Variants in CSPG4 observed in about 807,000 individuals in gnomAD.
CSPG4 encodes chondroitin sulfate proteoglycan 4, also known as chondroitin sulfate proteoglycan 4 (melanoma-associated).
Under a neutral mutation model 139.3 loss-of-function variants are expected in CSPG4, and 74 were observed. The ratio of observed to expected loss-of-function variants is 0.53; its 90% CI spans 0.44 to 0.64. The LOEUF (loss-of-function observed/expected upper bound fraction) is 0.64. Ranked by LOEUF, CSPG4 falls within the 30% of genes least tolerant of loss-of-function variation. The pLI is 0.00. For missense variants in CSPG4, 2,565 were observed against 3,148.3 expected, an observed-to-expected ratio of 0.81 and a Z score of 4.43; for synonymous variants, 1,234 against 1,394.2, an observed-to-expected ratio of 0.89 and a Z score of 2.56.
chr15:75,692,735 G>A (rs1566975765), intron 2 of CSPG4, among the ~76,000 whole-genome samples: 1 of 152,242 alleles, frequency 6.6e-6, no homozygotes. Context: ...GGGAACGGGA[G>A]AGGCGCACAC....
rs1318605602 is a variant in CSPG4 at position 75,688,769 on chromosome 15, C to G, written c.2296G>C (p.Gly766Arg). ...VENLALEVQV[G>R]QEILSNLSFP... ...GACAGATTGCTCAGGATCTCCTGGCCCACCTGCACCTCCAGGGCCAGGTTC... is the reference window on the plus strand; with the variant it reads ...GACAGATTGCTCAGGATCTCCTGGCGCACCTGCACCTCCAGGGCCAGGTTC... The change falls in exon 3 of 10, where the codon GGC becomes CGC. Residue 766 changes from glycine to arginine, a missense_variant. Physicochemically the swap from Gly to Arg is moderately radical, Grantham distance 125. Transcript: ENST00000308508. 6.2e-7 allele frequency: 1 copy of G among 1,612,654 alleles called. No individual in the cohort carries two copies. The highest frequency in any genetic ancestry group is 2.2e-5 in the East Asian group (1 of 44,884).
Position 75,696,678 on chromosome 15 carries a change from A to C in CSPG4, c.89-3445T>G, listed in dbSNP as rs200503267. On this transcript the variant is annotated intron_variant, in intron 1 of 9. Transcript: ENST00000308508. This position sits in a 1 kb window ranked among gnomAD's most constrained non-coding sequence, Gnocchi z 4.2. The stretch of plus-strand genomic sequence containing the variant: ...CCCCTCCTGCTCAGCGCCCATAGAG[A>C]GGTTTGCTAAAGGTGGGTACATCCT... Among the ~76,000 whole-genome samples, 16 of 151,904 alleles carry C rather than the reference A, an allele frequency of 1.1e-4. No individual in the cohort carries two copies. The East Asian group carries it at 2.7e-3, about 26-fold the overall frequency.
At position 75,687,796 on chromosome 15, in the gene CSPG4, C is replaced by A; in HGVS notation, c.3269G>T (p.Arg1090Leu). 1 of 1,612,912 alleles carries A rather than the reference C, an allele frequency of 6.2e-7. No individual in the cohort carries two copies. The highest frequency in any genetic ancestry group is 8.5e-7 in the Non-Finnish European group (1 of 1,179,998). The change falls in exon 3 of 10, where the codon CGA becomes CTA. Residue 1090 changes from arginine (R) to leucine (L), a missense_variant. Around this residue, in one of 5 missense-constraint regions of CSPG4, gnomAD observed 2,316 missense variants for 2,818.2 expected, o/e 0.82. Transcript: ENST00000308508. This position sits in a 1 kb window ranked among gnomAD's most constrained non-coding sequence, Gnocchi z 5.4. ...AGCCCCTGAGTGCACGAACAGTACT[C>A]GCCTCTTCCTGAGGTCCTCCTGGGT... The part of the protein sequence containing the change: ...RFTQEDLRKR[R>L]VLFVHSGADR...
chr15:75,683,178 G>C (rs1381206120), intron 5 of CSPG4, 137 bp from the exon 6 acceptor site: 18 of 823,606 alleles, frequency 2.2e-5, no homozygotes, highest in Non-Finnish European at 3.1e-5. Flanking sequence ...CGCCACTCTG[G>C]CTCCCCTGCA....
chr15:75,677,446 G>T (rs979575944), intron 9 of CSPG4, 62 bp from the exon 10 acceptor site: 3 of 1,392,918 alleles, frequency 2.2e-6, no homozygotes, highest in Non-Finnish European at 2.8e-6. Context: ...TGGACCCTCA[G>T]CTGGGGGTGC....
chr15:75,690,890 G>C, intron 2 of CSPG4, 78 bp from the exon 3 acceptor site: 3 of 1,475,148 alleles, frequency 2.0e-6, no homozygotes, highest in Non-Finnish European at 2.7e-6. Flanking sequence ...ATAGAGCCGG[G>C]CGTGATTGCA....
At chr15:75,682,204 C>G (rs1893982743) in intron 8 of CSPG4, 89 bp downstream of exon 8, 1 of 1,480,792 alleles carries the variant, frequency 6.8e-7, no homozygotes, top group Non-Finnish European at 9.3e-7. Context: ...GATGCTGGAG[C>G]TGGCATCCAT....
Position 75,676,589 on chromosome 15 carries a change from G to A in CSPG4, c.5930C>T (p.Ala1977Val). Residue 1977 changes from alanine to valine, a missense_variant, in exon 10 of 10, where the codon GCA becomes GTA. This residue lies in a region of CSPG4 where 2,316 missense variants were observed against 2,818.2 expected (regional missense o/e 0.82). Transcript: ENST00000308508. ...GGGTCCCTGGATGAGGCGGTATGCTGCCTCTGGCTCCTCCCGATCTGAAAC... is the reference window on the plus strand; with the variant it reads ...GGGTCCCTGGATGAGGCGGTATGCTACCTCTGGCTCCTCCCGATCTGAAAC... ...RVVSDREEPEAAYRLIQGPQY... is the reference protein window; with the variant it reads ...RVVSDREEPEVAYRLIQGPQY... 1.2e-6 allele frequency: 2 copies of A among 1,612,782 alleles called. No homozygotes were observed. The highest frequency in any genetic ancestry group is 1.7e-6 in the Non-Finnish European group (2 of 1,179,814).
rs772175577 is a variant in CSPG4, at chr15:75,675,702, C to T, written c.6817G>A (p.Glu2273Lys). The change falls in exon 10 of 10, where the codon GAG (glutamate) becomes AAG (lysine). Residue 2273 changes from glutamate (E) to lysine (K), a missense_variant. By Grantham distance (56) the Glu-to-Lys change is moderately conservative. This residue lies in a region of CSPG4 where 2,316 missense variants were observed against 2,818.2 expected (regional missense o/e 0.82). Coordinates refer to ENST00000308508, the MANE Select transcript of CSPG4 (RefSeq NM_001897.5). Reference protein sequence around the residue: ...KPRNGLAGDTETFRKVEPGQA... With the variant: ...KPRNGLAGDTKTFRKVEPGQA... ...CCTGGCTCCACCTTGCGAAAGGTCT[C>T]GGTGTCACCAGCCAGGCCGTTGCGG... 2.2e-5 allele frequency: 35 copies of T among 1,575,078 alleles called. No individual in the cohort carries two copies. The highest frequency in any genetic ancestry group is 1.1e-4 in the African/African-American group (8 of 74,086).
chr15:75,709,963 G>A (rs1395959494), intron 1 of CSPG4, among the ~76,000 whole-genome samples: 1 of 151,860 alleles, frequency 6.6e-6, no homozygotes, highest in Non-Finnish European at 1.5e-5. Flanking sequence ...CTGCTCCGGA[G>A]GCCTGGGGTG....
At position 75,689,293 on chromosome 15, in the gene CSPG4, G is replaced by A. The variant is rs553356387; in HGVS notation, c.1772C>T (p.Thr591Ile). The A allele has an allele frequency of 8.7e-6, 14 of 1,610,934 alleles. No individual in the cohort carries two copies. Among genetic ancestry groups the A allele is most frequent in the Admixed American group, 1.7e-5 (1 of 60,018 alleles). Reference sequence around the variant, plus strand: ...AGAGGAGGTGCCAAGGACCTGGAAGGTGAGGCCCTCACAGGCAGAGTCCGG... The same window carrying A: ...AGAGGAGGTGCCAAGGACCTGGAAGATGAGGCCCTCACAGGCAGAGTCCGG... ...YDPDSACEGL[T>I]FQVLGTSSGL... The change falls in exon 3 of 10, where the codon ACC becomes ATC. Residue 591 changes from threonine (T) to isoleucine (I), a missense_variant. Physicochemically the swap from Thr to Ile is moderately conservative, Grantham distance 89. This residue lies in a region of CSPG4 where 2,316 missense variants were observed against 2,818.2 expected (regional missense o/e 0.82). Transcript: ENST00000308508.
rs150766109 is a variant in CSPG4 at position 75,675,773 on chromosome 15, C to T, written c.6746G>A (p.Arg2249His). The T allele has an allele frequency of 4.3e-6, 7 of 1,613,034 alleles. No homozygotes were observed. The highest frequency in any genetic ancestry group is 1.3e-5 in the African/African-American group (1 of 75,038). Reference sequence around the variant, plus strand: ...GACGTCATGCTTGCCCGTCTTGTTGCGTTTTCGGAGGTAGAAGAGCAGGGG... The same window carrying T: ...GACGTCATGCTTGCCCGTCTTGTTGTGTTTTCGGAGGTAGAAGAGCAGGGG... ...ILPLLFYLRK[R>H]NKTGKHDVQV... Residue 2249 changes from arginine to histidine, a missense_variant, in exon 10 of 10, where the codon CGC becomes CAC. Physicochemically the swap from Arg to His is conservative, Grantham distance 29. Transcript: ENST00000308508.
rs776322165 is a variant in CSPG4, at chr15:75,690,238, C to T, written c.827G>A (p.Ser276Asn). The change falls in exon 3 of 10, where the codon AGT (serine) becomes AAT (asparagine). Residue 276 changes from serine (S) to asparagine (N), a missense_variant. Physicochemically the swap from Ser to Asn is conservative, Grantham distance 46. Transcript: ENST00000308508. ...KGQGTVLLHN[S>N]VPVADGQPHE... Reference sequence around the variant, plus strand: ...GGGCTGCCCATCGGCCACAGGCACACTGTTGTGGAGCAATACGGTACCCTG... The same window carrying T: ...GGGCTGCCCATCGGCCACAGGCACATTGTTGTGGAGCAATACGGTACCCTG... The T allele has an allele frequency of 4.3e-6, 7 of 1,613,274 alleles. No individual in the cohort carries two copies. The highest frequency in any genetic ancestry group is 5.9e-6 in the Non-Finnish European group (7 of 1,179,868).
chr15:75,713,220 G>C (rs1288271176), upstream of CSPG4, among the ~76,000 whole-genome samples: 2 of 152,166 alleles, frequency 1.3e-5, no homozygotes, highest in Non-Finnish European at 2.9e-5. Flanking sequence ...CCAGCCTTAG[G>C]AGGAAGGACA....
intron 1 of CSPG4, among the ~76,000 whole-genome samples, chr15:75,695,172 G>T (rs555615099): frequency 2.6e-5 from 4 of 152,284 alleles, no homozygotes; most frequent in African/African-American, 9.6e-5. Flanking sequence ...CCACAGAGAA[G>T]GGGGCACATG....
chr15:75,704,589 G>A (rs997345989), intron 1 of CSPG4, among the ~76,000 whole-genome samples: 8 of 152,202 alleles, frequency 5.3e-5, no homozygotes, highest in Non-Finnish European at 1.0e-4. Context: ...CGTGGGTGAA[G>A]GCAGTGGGGG....
chr15:75,691,934 C>T (rs1246859337), intron 2 of CSPG4, among the ~76,000 whole-genome samples: 1 of 152,136 alleles, frequency 6.6e-6, no homozygotes, highest in Non-Finnish European at 1.5e-5. Flanking sequence ...AGCAGACTGA[C>T]CAAGCCCTAG....
chr15:75,712,045 G>T (rs1308460321), intron 1 of CSPG4, among the ~76,000 whole-genome samples: 1 of 149,890 alleles, frequency 6.7e-6, no homozygotes, highest in African/African-American at 2.5e-5. Context: ...GTGGGTGGGG[G>T]GTCCTGCCTG....
rs1461925058 is a variant in CSPG4, at chr15:75,682,350, C to T, written c.4893G>A (p.Leu1631=). The change falls in exon 8 of 10, where the codon CTG becomes CTA. Residue 1631 remains leucine, a synonymous_variant. Coordinates refer to ENST00000308508, the MANE Select transcript of CSPG4 (RefSeq NM_001897.5). ...CTGTGCTGTCCTGCTGGGCGTGGAA[C>T]AGCCGGCCTAGCTGGGGGCCCCGCA... ...RVVRGPQLGR[L]FHAQQDSTGE... The T allele has an allele frequency of 2.5e-6, 4 of 1,596,826 alleles. No homozygotes were observed. Among genetic ancestry groups the T allele is most frequent in the Admixed American group, 1.7e-5 (1 of 60,024 alleles).
Sources: allele counts gnomAD v4.1 joint callset (sites outside exome capture counted in the v4.1 genomes callset), GRCh38; gene constraint gnomAD v4.1.1; regional missense constraint gnomAD v4.1.1; non-coding constraint Gnocchi (gnomAD v3.1); transcripts MANE v1.5; gene names NCBI Gene and HGNC (gene_info 2026-07-23, HGNC 2026-07-21).